LMBR1: variants seen among roughly 807,000 people sequenced by gnomAD.
LMBR1 encodes the protein limb development membrane protein 1.
Under a neutral mutation model 73.9 loss-of-function variants are expected in LMBR1, and 52 were observed. The observed-to-expected ratio is 0.70, with a 90% CI of 0.56 to 0.89. The LOEUF is 0.89. Among genes scored for constraint, LMBR1 ranks in the 40% least tolerant of loss-of-function variants. The pLI is 0.00. For missense variants in LMBR1, 539 were observed against 579.8 expected (o/e 0.93, Z 0.72); for synonymous variants, 215 against 209.4 (o/e 1.03, Z -0.23).
At chr7:156,810,512 C>T (rs1272905472) in intron 4 of LMBR1, among the ~76,000 whole-genome samples, 1 of 152,146 alleles carries the variant, frequency 6.6e-6, no homozygotes, top group Non-Finnish European at 1.5e-5. Flanking sequence ...CCTGCCTCAG[C>T]CTCCCGAGTA....
chr7:156,856,546 C>A (rs1243102958), intron 1 of LMBR1, among the ~76,000 whole-genome samples: 1 of 151,850 alleles, frequency 6.6e-6, no homozygotes, highest in Non-Finnish European at 1.5e-5. Context: ...CATCGAGAAA[C>A]CCCATCTCTA....
chr7:156,771,054 A>C (rs375759158), intron 5 of LMBR1, among the ~76,000 whole-genome samples: 1 of 152,178 alleles, frequency 6.6e-6, no homozygotes, highest in African/African-American at 2.4e-5. Context: ...AAATCAACAA[A>C]ATAAAGTAGC....
At chr7:156,844,169 AC>A (rs1839204246) in intron 1 of LMBR1, among the ~76,000 whole-genome samples, 1 of 151,966 alleles carries the variant, frequency 6.6e-6, no homozygotes, top group Non-Finnish European at 1.5e-5. Context: ...TACAAAAAAT[AC>A]AAAAATTAGC....
chr7:156,720,930 T>G (rs1278885558), intron 15 of LMBR1, among the ~76,000 whole-genome samples: 2 of 151,884 alleles, frequency 1.3e-5, no homozygotes, highest in Non-Finnish European at 1.5e-5. Context: ...TAAATAGGGA[T>G]TACCAAAACC....
intron 5 of LMBR1, among the ~76,000 whole-genome samples, chr7:156,784,457 A>T (rs1430071398): frequency 6.6e-6 from 1 of 152,136 alleles, no homozygotes; most frequent in Non-Finnish European, 1.5e-5. Context: ...TCACATCACC[A>T]GTACCCACGT....
rs115545222 is a variant in LMBR1, at chr7:156,759,908, C to T, written c.684+2226G>A. On this transcript the variant is annotated intron_variant, in intron 8 of 16. Transcript: ENST00000353442. ...TGGACCACACAGTCTAAGCTAATTC[C>T]GACTGGCTATTTTAAAGGGAGCAGG... Among the ~76,000 whole-genome samples, 943 of 152,186 alleles carry T rather than the reference C, an allele frequency of 6.2e-3. 6 individuals carry two copies. Among genetic ancestry groups the T allele is most frequent in the African/African-American group, 0.021 (877 of 41,500 alleles).
intron 5 of LMBR1, among the ~76,000 whole-genome samples, chr7:156,775,477 G>A (rs1392116411): frequency 6.6e-6 from 1 of 152,016 alleles, no homozygotes; most frequent in Non-Finnish European, 1.5e-5. Flanking sequence ...ACCTCTAATT[G>A]TAAAAAAACA....
chr7:156,728,073 G>C (rs1816121455), intron 11 of LMBR1, 66 bp from the exon 12 acceptor site: 1 of 1,273,982 alleles, frequency 7.8e-7, no homozygotes, highest in African/African-American at 1.5e-5. Context: ...TTAAAATCTA[G>C]GTAACCAAAT....
chr7:156,844,513 G>C (rs1307871555), intron 1 of LMBR1, among the ~76,000 whole-genome samples: 1 of 150,820 alleles, frequency 6.6e-6, no homozygotes, highest in African/African-American at 2.4e-5. Context: ...AAGCTATAAT[G>C]ATGCCTATTC....
intron 4 of LMBR1, chr7:156,822,666 A>G (rs991029049): frequency 6.6e-6 from 1 of 152,196 alleles, no homozygotes; most frequent in Non-Finnish European, 1.5e-5. Context: ...CAAATTCTGG[A>G]AAAAAGCAAT....
At position 156,704,818 on chromosome 7, in the gene LMBR1, A is replaced by G. The variant is rs576762330; in HGVS notation, c.1226-16627T>C. Among the ~76,000 whole-genome samples, 27 of 151,854 alleles carry G rather than the reference A, an allele frequency of 1.8e-4. No homozygotes were observed. In the South Asian group the frequency reaches 5.2e-3, roughly 29 times the overall value. On this transcript the variant is annotated intron_variant, in intron 15 of 16. Coordinates refer to ENST00000353442, the MANE Select transcript of LMBR1 (RefSeq NM_022458.4). ...TTAATATAAGGAAGTATAAAATATA[A>G]TCAAAAGCCTCAACAATAGACCAAT...
chr7:156,877,786 A>G (rs1020531843), intron 1 of LMBR1, among the ~76,000 whole-genome samples: 1 of 151,836 alleles, frequency 6.6e-6, no homozygotes, highest in East Asian at 1.9e-4. Flanking sequence ...GGGAGGCTGA[A>G]GCAGGAGAAT....
chr7:156,774,479 C>T (rs914938520), intron 5 of LMBR1, among the ~76,000 whole-genome samples: 1 of 152,136 alleles, frequency 6.6e-6, no homozygotes, highest in South Asian at 2.1e-4. Context: ...TCATCAAGGG[C>T]AGACTGAATG....
At chr7:156,891,229 TATATACACACACAC>T (rs1218381090) in intron 1 of LMBR1, among the ~76,000 whole-genome samples, 3 of 81,572 alleles carry the variant, frequency 3.7e-5, no homozygotes, top group South Asian at 8.2e-4. Flanking sequence ...TATATATATA[TATATACACACACAC>T]ACACACACAC....
intron 15 of LMBR1, among the ~76,000 whole-genome samples, chr7:156,702,886 A>C (rs556127819): frequency 6.6e-5 from 10 of 152,378 alleles, no homozygotes; most frequent in African/African-American, 2.4e-4. Context: ...TAAATGGATA[A>C]ACTGTGGCAA....
intron 2 of LMBR1, among the ~76,000 whole-genome samples, chr7:156,835,695 A>T (rs1837510064): frequency 2.4e-5 from 1 of 41,870 alleles, no homozygotes; most frequent in Non-Finnish European, 4.7e-5. Context: ...ACTCCATCTC[A>T]AAAAAAAAAA....
intron 1 of LMBR1, among the ~76,000 whole-genome samples, chr7:156,863,609 T>C (rs923704777): frequency 6.6e-6 from 1 of 152,202 alleles, no homozygotes. Flanking sequence ...AACAGTTTTC[T>C]TAGGGGCTGT....
chr7:156,827,480 T>C (rs943235064), intron 3 of LMBR1, among the ~76,000 whole-genome samples: 3 of 152,120 alleles, frequency 2.0e-5, no homozygotes, highest in East Asian at 1.9e-4. Context: ...CAGCATAACA[T>C]GTAACAATCC....
intron 5 of LMBR1, among the ~76,000 whole-genome samples, chr7:156,778,543 A>T (rs545167921): frequency 6.6e-6 from 1 of 152,380 alleles, no homozygotes; most frequent in Admixed American, 6.5e-5. Flanking sequence ...AAATATGTTC[A>T]TTAAATGCAA....
Sources: allele counts gnomAD v4.1 joint callset (sites outside exome capture counted in the v4.1 genomes callset), GRCh38; gene constraint gnomAD v4.1.1; transcripts MANE v1.5; gene names NCBI Gene and HGNC (gene_info 2026-07-23, HGNC 2026-07-21).